The following IFRD1 variants were observed in gnomAD, a reference collection of about 807,000 sequenced individuals.
IFRD1 encodes the protein interferon related developmental regulator 1, also known as interferon-related developmental regulator 1.
In IFRD1, 35 loss-of-function variants were observed where a neutral mutation model predicts 52.9. That is an observed-to-expected ratio of 0.66 (90% CI 0.51 to 0.88). The LOEUF (loss-of-function observed/expected upper bound fraction) is 0.88. IFRD1 is among the 40% of genes least tolerant of loss of function. The pLI is 0.00. For missense variants in IFRD1, 517 were observed against 550.8 expected (o/e 0.94, Z 0.61); for synonymous variants, 184 against 188.4 (o/e 0.98, Z 0.19).
intron 1 of IFRD1, among the ~76,000 whole-genome samples, chr7:112,426,655 G>A (rs1176396197): frequency 6.6e-6 from 1 of 151,898 alleles, no homozygotes; most frequent in Non-Finnish European, 1.5e-5. Context: ...GGCCATGATG[G>A]GAAGTGGGAT....
At chr7:112,443,040 T>C (rs76494696) in intron 1 of IFRD1, among the ~76,000 whole-genome samples, 6,265 of 152,292 alleles carry the variant, frequency 0.041, 325 homozygotes, top group African/African-American at 0.12. Flanking sequence ...ATAGGTTCTA[T>C]CATTAATCAC....
At chr7:112,458,412 T>TA (rs1293842833) in intron 4 of IFRD1, 1 of 155,262 alleles carries the variant, frequency 6.4e-6, no homozygotes, top group Non-Finnish European at 1.4e-5. Context: ...AAAATGTTGG[T>TA]AGGGAAACCC....
At chr7:112,447,506 T>C (rs981767694), upstream of IFRD1, among the ~76,000 whole-genome samples, 2 of 152,172 alleles carry the variant, frequency 1.3e-5, no homozygotes, top group Non-Finnish European at 2.9e-5. Flanking sequence ...CCGAAAATAC[T>C]TGTGTTCTAA....
chr7:112,453,365 G>A (rs757661756), intron 1 of IFRD1, among the ~76,000 whole-genome samples: 1 of 152,102 alleles, frequency 6.6e-6, no homozygotes, highest in Non-Finnish European at 1.5e-5. Flanking sequence ...CATCTCTTTC[G>A]TGGTACTTAG....
At chr7:112,453,043 T>A (rs530824434) in intron 1 of IFRD1, among the ~76,000 whole-genome samples, 2 of 152,302 alleles carry the variant, frequency 1.3e-5, no homozygotes, top group South Asian at 4.1e-4. Context: ...GTAGAAGAGA[T>A]GGAAAATTAC....
At position 112,461,853 on chromosome 7, in the gene IFRD1, T is replaced by TATA. The variant is rs201401143; in HGVS notation, c.568-13_568-12insATA. On this transcript the variant is annotated splice_polypyrimidine_tract_variant and intron_variant, in intron 5 of 11. Coordinates refer to ENST00000403825, the MANE Select transcript of IFRD1 (RefSeq NM_001550.4). ...AATCATTAATGTCTATATATATATA[T>TATA]TTTTTTTTTTAGTGTGCAACTTGCT... The TATA allele has an allele frequency of 2.7e-5, 15 of 560,094 alleles. No homozygotes were observed. The highest frequency in any genetic ancestry group is 3.5e-5 in the Non-Finnish European group (14 of 400,898). The allele number at this position is 560,094 out of a possible 1,614,324, so 34.7% of individuals were successfully genotyped here. A position where few individuals can be genotyped will look rare whatever the true frequency, so the allele number is the denominator to read the frequency against.
At chr7:112,451,020 G>C (rs1182863666) in intron 1 of IFRD1, 3 of 558,056 alleles carry the variant, frequency 5.4e-6, no homozygotes, top group Admixed American at 3.1e-5. Context: ...AGGGAGGAAC[G>C]GGTCCTTGGG....
chr7:112,432,379 T>C (rs116356117), intron 1 of IFRD1, among the ~76,000 whole-genome samples: 2,400 of 152,330 alleles, frequency 0.016, 57 homozygotes, highest in African/African-American at 0.056. Context: ...TTGACCTTCA[T>C]GGCACTTAGA....
At chr7:112,463,933 G>T (rs1263367433) in intron 8 of IFRD1, among the ~76,000 whole-genome samples, 2 of 148,876 alleles carry the variant, frequency 1.3e-5, no homozygotes, top group Non-Finnish European at 3.0e-5. Flanking sequence ...AATTACACAG[G>T]ATAACCAGGA....
In IFRD1 at chr7:112,460,138, A is replaced by G. The variant is rs2117305439; in HGVS notation, c.567+1120A>G. On this transcript the variant is annotated intron_variant, in intron 5 of 11. Transcript: ENST00000403825. ...TTGTATGTAAGTTTTTTTGTCATTT[A>G]AAGACTTTTTTTTCCATACTTCCAA... Among the ~76,000 whole-genome samples the G allele has an allele frequency of 2.0e-5, 3 of 152,056 alleles. No individual in the cohort carries two copies. In the Middle Eastern group the frequency reaches 0.01, roughly 521 times the overall value.
At chr7:112,442,148 G>GC (rs1227478042) in intron 1 of IFRD1, among the ~76,000 whole-genome samples, 3 of 152,160 alleles carry the variant, frequency 2.0e-5, no homozygotes, top group Non-Finnish European at 4.4e-5. Flanking sequence ...TGACCCTCCA[G>GC]CACAGTATAT....
intron 1 of IFRD1, among the ~76,000 whole-genome samples, chr7:112,454,448 C>T (rs1416715223): frequency 6.6e-6 from 1 of 152,186 alleles, no homozygotes; most frequent in African/African-American, 2.4e-5. Context: ...CGGCCTCAGC[C>T]TCCCAAAGTG....
rs554734553 is a variant in IFRD1, at chr7:112,437,553, G to C, written c.-181-12955G>C. Among the ~76,000 whole-genome samples, 28 of 152,134 alleles carry C rather than the reference G, an allele frequency of 1.8e-4. No individual in the cohort carries two copies. In the South Asian group the frequency reaches 5.6e-3, roughly 30 times the overall value. On this transcript the variant is annotated intron_variant, in intron 1 of 12. Coordinates refer to the IFRD1 transcript ENST00000005558. ...GAGGAAACTGAGGAACAGAGATTTG[G>C]TAACTTGCAGCTGATAAGTGGTAAA...
intron 1 of IFRD1, among the ~76,000 whole-genome samples, chr7:112,440,877 T>C (rs1794866567): frequency 6.6e-6 from 1 of 152,204 alleles, no homozygotes; most frequent in Admixed American, 6.5e-5. Flanking sequence ...GGCTCACCCC[T>C]GTAATCCCAG....
chr7:112,452,223 G>T, intron 1 of IFRD1: 1 of 597,262 alleles, frequency 1.7e-6, no homozygotes, highest in Non-Finnish European at 2.1e-6. Context: ...GCGGTGTGGT[G>T]TGATCATAGC....
At chr7:112,445,340 A>G (rs1433669380) in intron 1 of IFRD1, among the ~76,000 whole-genome samples, 1 of 152,054 alleles carries the variant, frequency 6.6e-6, no homozygotes, top group Non-Finnish European at 1.5e-5. Context: ...TGCTAGGATT[A>G]CAGGTGTGAG....
At chr7:112,464,181 AATT>A (rs1441992352) in intron 8 of IFRD1, among the ~76,000 whole-genome samples, 1 of 151,986 alleles carries the variant, frequency 6.6e-6, no homozygotes, top group Admixed American at 6.6e-5. Context: ...ATGAGTTTTG[AATT>A]ATTCAAGGCT....
intron 1 of IFRD1, among the ~76,000 whole-genome samples, chr7:112,441,277 A>AAAAAACAAAAAC (rs150721531): frequency 1.9e-4 from 28 of 151,246 alleles, no homozygotes; most frequent in South Asian, 2.1e-4. Flanking sequence ...CCTGTCTTAA[A>AAAAAACAAAAAC]AAAAACAAAA....
chr7:112,430,248 G>A (rs1372137456), intron 1 of IFRD1, among the ~76,000 whole-genome samples: 1 of 152,178 alleles, frequency 6.6e-6, no homozygotes, highest in Non-Finnish European at 1.5e-5. Flanking sequence ...GGAAAATGCT[G>A]TTTTCTATAT....
Sources: allele counts gnomAD v4.1 joint callset (sites outside exome capture counted in the v4.1 genomes callset), GRCh38; gene constraint gnomAD v4.1.1; transcripts MANE v1.5; gene names NCBI Gene and HGNC (gene_info 2026-07-23, HGNC 2026-07-21).